The following TAF4 variants were observed in gnomAD, a reference collection of about 807,000 sequenced individuals.
The protein encoded by TAF4 is transcription initiation factor TFIID subunit 4.
Under a neutral mutation model 90.3 loss-of-function variants are expected in TAF4, and 9 were observed. The observed-to-expected ratio is 0.10, with a 90% CI of 0.06 to 0.17. TAF4 has a LOEUF of 0.17. Ranked by LOEUF, TAF4 falls within the 10% of genes least tolerant of loss-of-function variation. TAF4 has a pLI of 1.00. For synonymous variants in TAF4, 818 were observed against 638.9 expected, an observed-to-expected ratio of 1.28 and a Z score of -4.23; for missense variants, 1,351 against 1,370.7, an observed-to-expected ratio of 0.99 and a Z score of 0.23.
At chr20:61,988,757 C>A (rs898589088) in intron 14 of TAF4, among the ~76,000 whole-genome samples, 1 of 152,184 alleles carries the variant, frequency 6.6e-6, no homozygotes, top group African/African-American at 2.4e-5. Context: ...CGCCAATCTT[C>A]ACCCACTCGG....
At chr20:62,026,967 T>C (rs1004734222) in intron 1 of TAF4, among the ~76,000 whole-genome samples, 2 of 152,242 alleles carry the variant, frequency 1.3e-5, no homozygotes, top group Non-Finnish European at 2.9e-5. Flanking sequence ...CTACTCATGA[T>C]TTGTTTCACT....
chr20:61,999,459 C>T (rs1419576392), intron 11 of TAF4, among the ~76,000 whole-genome samples: 1 of 152,244 alleles, frequency 6.6e-6, no homozygotes, highest in African/African-American at 2.4e-5. Context: ...CAGTGCTGCC[C>T]TGAAGGCACT....
intron 5 of TAF4, 122 bp from the exon 6 acceptor site, chr20:62,007,758 G>A: frequency 1.1e-6 from 1 of 936,668 alleles, no homozygotes; most frequent in Non-Finnish European, 1.6e-6. Context: ...CTGGACAGAG[G>A]AGATGGGAAA....
chr20:62,004,328 CTTTTT>C (rs60437230), intron 7 of TAF4, among the ~76,000 whole-genome samples: 1 of 117,198 alleles, frequency 8.5e-6, no homozygotes, highest in Non-Finnish European at 1.7e-5. Flanking sequence ...CTTTTCTTTT[CTTTTT>C]TTTTTTTTTT....
intron 1 of TAF4, among the ~76,000 whole-genome samples, chr20:62,026,086 G>A (rs1327505366): frequency 6.6e-6 from 1 of 152,144 alleles, no homozygotes; most frequent in Non-Finnish European, 1.5e-5. Context: ...ATAACGGAAA[G>A]CATAGTTTTA....
intron 1 of TAF4, among the ~76,000 whole-genome samples, chr20:62,034,837 T>C (rs2055923637): frequency 6.6e-6 from 1 of 151,734 alleles, no homozygotes; most frequent in Non-Finnish European, 1.5e-5. Flanking sequence ...CTTTTTTTTT[T>C]TGAGATGGAG....
chr20:61,997,303 C>T (rs962940709), intron 14 of TAF4, among the ~76,000 whole-genome samples: 1 of 152,206 alleles, frequency 6.6e-6, no homozygotes, highest in African/African-American at 2.4e-5. Context: ...TTTTCAAATC[C>T]AGCCTAAACC....
chr20:61,986,598 T>C lies in TAF4; in HGVS notation c.3091-10263A>G, dbSNP rs1043683251. On this transcript the variant is annotated intron_variant, in intron 14 of 14. Coordinates refer to ENST00000252996, the MANE Select transcript of TAF4 (RefSeq NM_003185.4). ...CCAAGAAATCATGGAAAACAGAAGA[T>C]GTGCTGGAACATTCTGTGGTGTCAT... is the stretch of plus-strand genomic sequence containing the variant. Among the ~76,000 whole-genome samples, 220 of 152,374 alleles carry C rather than the reference T, an allele frequency of 1.4e-3. 2 individuals carry two copies. Among genetic ancestry groups the C allele is most frequent in the Non-Finnish European group, 7.1e-4 (48 of 68,036 alleles).
At chr20:62,048,908 C>T (rs1437831758) in intron 1 of TAF4, among the ~76,000 whole-genome samples, 25 of 138,586 alleles carry the variant, frequency 1.8e-4, no homozygotes, top group Non-Finnish European at 3.3e-4. Context: ...TCCCTGCATG[C>T]CCACGTTGGT....
intron 1 of TAF4, among the ~76,000 whole-genome samples, chr20:62,025,305 A>G (rs1433722624): frequency 6.6e-6 from 1 of 152,252 alleles, no homozygotes; most frequent in Non-Finnish European, 1.5e-5. Flanking sequence ...AAGCATAAAC[A>G]ATTTCTGGTG....
At chr20:61,978,175 G>C (rs1972336) in intron 14 of TAF4, among the ~76,000 whole-genome samples, 8 of 1,396 alleles carry the variant, frequency 5.7e-3, no homozygotes, top group Non-Finnish European at 8.6e-3. Context: ...GAGGGCGCGA[G>C]ACCAACCAAG....
rs774445048 is a variant in TAF4 at position 62,003,098 on chromosome 20, G to T, written c.2486+62C>A. ...CCCGTGGGCGGGAATGGAGCAGCAC[G>T]GACTCTGGACTCTTCTCCGCTCTGG... On this transcript the variant is annotated intron_variant, in intron 9 of 14. Coordinates refer to ENST00000252996, the MANE Select transcript of TAF4 (RefSeq NM_003185.4). 6 of 1,439,768 alleles carry T rather than the reference G, an allele frequency of 4.2e-6. No homozygotes were observed. In the Admixed American group the frequency reaches 1.0e-4, roughly 25 times the overall value. The allele number at this position is 1,439,768 out of a possible 1,614,324, so 89.2% of individuals were successfully genotyped here.
intron 1 of TAF4, 97 bp from the exon 2 acceptor site, chr20:62,014,804 G>A (rs2123151456): frequency 1.3e-6 from 2 of 1,495,554 alleles, no homozygotes; most frequent in South Asian, 2.5e-5. Context: ...CTGTGAGAAG[G>A]AAACAAAGGA....
chr20:62,013,904 C>CGGGG (rs201993541), intron 2 of TAF4, among the ~76,000 whole-genome samples: 1 of 116,122 alleles, frequency 8.6e-6, no homozygotes, highest in South Asian at 3.1e-4. Flanking sequence ...AAGGCTGACG[C>CGGGG]GGGTGTGTGT....
intron 1 of TAF4, among the ~76,000 whole-genome samples, chr20:62,029,855 G>A (rs1044847509): frequency 1.3e-5 from 2 of 152,032 alleles, no homozygotes; most frequent in African/African-American, 2.4e-5. Flanking sequence ...GCGGTGAGCC[G>A]AGATCGCGCC....
intron 1 of TAF4, among the ~76,000 whole-genome samples, chr20:62,053,923 G>A (rs1263742833): frequency 1.3e-5 from 2 of 152,250 alleles, no homozygotes; most frequent in African/African-American, 4.8e-5. Context: ...AGGACTGCAG[G>A]GACTGACGGA....
In TAF4 at chr20:62,003,871, T is replaced by G. The variant is rs2055724977; in HGVS notation, c.2231A>C (p.Gln744Pro). ...KQGQPTPLVI[Q>P]QPPKPGALIR... ...CAGGGCTCCTGGCTTCGGAGGCTGC[T>G]GGATGACCTGAGGCAGAGCCAGCAG... The change falls in exon 8 of 15, where the codon CAG becomes CCG. Residue 744 changes from glutamine (Q) to proline (P), a missense_variant. Transcript: ENST00000252996. 6.4e-7 allele frequency: 1 copy of G among 1,571,532 alleles called. No individual in the cohort carries two copies. Among genetic ancestry groups the G allele is most frequent in the African/African-American group, 1.4e-5 (1 of 73,404 alleles).
At chr20:62,040,760 A>C (rs1265729010) in intron 1 of TAF4, among the ~76,000 whole-genome samples, 1 of 152,262 alleles carries the variant, frequency 6.6e-6, no homozygotes, top group Non-Finnish European at 1.5e-5. Context: ...AGAGCCGCTC[A>C]GGAACACAGC....
At chr20:62,042,625 C>T (rs1435539844) in intron 1 of TAF4, among the ~76,000 whole-genome samples, 4 of 152,246 alleles carry the variant, frequency 2.6e-5, no homozygotes, top group Non-Finnish European at 4.4e-5. Context: ...CTGCACGCTC[C>T]CCTTCCAGCA....
Sources: allele counts gnomAD v4.1 joint callset (sites outside exome capture counted in the v4.1 genomes callset), GRCh38; gene constraint gnomAD v4.1.1; transcripts MANE v1.5; gene names NCBI Gene and HGNC (gene_info 2026-07-23, HGNC 2026-07-21).